Variants in WDR7 observed in about 807,000 individuals in gnomAD.
The protein encoded by WDR7 is WD repeat domain 7, also known as WD repeat-containing protein 7.
In WDR7, 46 loss-of-function variants were observed where a neutral mutation model predicts 169.4. The observed-to-expected ratio is 0.27, with a 90% CI of 0.21 to 0.35. The LOEUF is 0.35. WDR7 is among the 10% of genes least tolerant of loss of function. The pLI, the probability that WDR7 is intolerant of heterozygous loss-of-function variation, is 1.00. For missense variants in WDR7, 1,534 were observed against 1,859.3 expected (o/e 0.83, Z 3.22); for synonymous variants, 612 against 666.8 (o/e 0.92, Z 1.27).
intron 25 of WDR7, among the ~76,000 whole-genome samples, chr18:56,948,962 G>A (rs1599183937): frequency 6.6e-6 from 1 of 152,124 alleles, no homozygotes; most frequent in Admixed American, 6.6e-5. Flanking sequence ...GCCTGGAAGT[G>A]TATTTTGTTC....
At chr18:56,760,162 T>C (rs752311396) in intron 16 of WDR7, among the ~76,000 whole-genome samples, 4 of 152,190 alleles carry the variant, frequency 2.6e-5, no homozygotes, top group African/African-American at 4.8e-5. Context: ...ATAATATACA[T>C]ACAGAAACAT....
At chr18:56,725,662 G>A (rs899200237) in intron 13 of WDR7, among the ~76,000 whole-genome samples, 1 of 152,188 alleles carries the variant, frequency 6.6e-6, no homozygotes, top group African/African-American at 2.4e-5. Context: ...AGTTTAATTA[G>A]ATCGCATTTG....
chr18:56,929,636 G>A (rs1400931673), intron 22 of WDR7, among the ~76,000 whole-genome samples: 1 of 152,072 alleles, frequency 6.6e-6, no homozygotes. Context: ...TGTACCATAC[G>A]GCTATGCCAC....
intron 26 of WDR7, among the ~76,000 whole-genome samples, chr18:57,019,619 G>A (rs1383236685): frequency 6.6e-6 from 1 of 152,116 alleles, no homozygotes; most frequent in Non-Finnish European, 1.5e-5. Context: ...AGCAAGGAAT[G>A]TGCTTGTGTC....
chr18:57,028,383 T>G lies in WDR7; in HGVS notation c.*1176T>G, dbSNP rs963532712. 1.3e-5 allele frequency: 2 copies of G among 152,204 alleles called. No individual in the cohort carries two copies. Among genetic ancestry groups the G allele is most frequent in the Non-Finnish European group, 2.9e-5 (2 of 68,040 alleles). The allele number at this position is 152,204 out of a possible 1,614,324, so 9.4% of individuals were successfully genotyped here. On this transcript the variant is annotated 3_prime_UTR_variant, in exon 28 of 28. Transcript: ENST00000254442. ...CTTTAACTAGACCACTTTCTTCTTA[T>G]GTCAGATTGTGCTGGTTCTAGCTCA... is the stretch of plus-strand genomic sequence containing the variant.
In WDR7 at chr18:56,757,326, T is replaced by C; in HGVS notation, c.2733T>C (p.Gly911=). Residue 911 remains glycine (G), a synonymous_variant, in exon 15 of 28, where the codon GGT becomes GGC. Transcript: ENST00000254442. ...LMSMTNATFI[G]DHMKKGPTRP... is the part of the protein sequence containing the mutation. ...GTATGACCAATGCAACTTTTATTGG[T>C]GATCATATGAAGAAGGGTCCTACCA... is the stretch of plus-strand genomic sequence containing the variant. The C allele has an allele frequency of 6.2e-7, 1 of 1,610,058 alleles. No homozygotes were observed. The highest frequency in any genetic ancestry group is 8.5e-7 in the Non-Finnish European group (1 of 1,176,942).
At chr18:56,729,311 C>T (rs1259202069) in intron 13 of WDR7, among the ~76,000 whole-genome samples, 1 of 152,134 alleles carries the variant, frequency 6.6e-6, no homozygotes, top group East Asian at 1.9e-4. Flanking sequence ...TATTTAAAAA[C>T]ATAATATGAT....
intron 20 of WDR7, among the ~76,000 whole-genome samples, chr18:56,850,788 C>T (rs1202867280): frequency 6.6e-6 from 1 of 152,204 alleles, no homozygotes; most frequent in African/African-American, 2.4e-5. Context: ...GCTGAGATTA[C>T]AGGTGTGAGC....
At chr18:56,866,464 T>C (rs1010728423) in intron 20 of WDR7, among the ~76,000 whole-genome samples, 7 of 152,084 alleles carry the variant, frequency 4.6e-5, no homozygotes, top group Admixed American at 2.6e-4. Flanking sequence ...AGTTTTTTTG[T>C]TGATGTTTTT....
intron 21 of WDR7, among the ~76,000 whole-genome samples, chr18:56,895,109 G>A (rs969220553): frequency 4.6e-5 from 7 of 151,768 alleles, no homozygotes; most frequent in African/African-American, 1.5e-4. Context: ...CATGTTAATG[G>A]TATTATTTAG....
chr18:56,783,831 T>C (rs8089931), intron 19 of WDR7, among the ~76,000 whole-genome samples: 11,249 of 152,298 alleles, frequency 0.074, 507 homozygotes, highest in East Asian at 0.19. Context: ...TTGTAGTGGA[T>C]GCCTTTTTAT....
chr18:56,960,657 C>T (rs1020029682), intron 25 of WDR7, among the ~76,000 whole-genome samples: 3 of 152,108 alleles, frequency 2.0e-5, no homozygotes, highest in African/African-American at 7.2e-5. Flanking sequence ...ACTTAGACCA[C>T]TGTAATTATC....
At chr18:56,988,843 A>T (rs916430912) in intron 26 of WDR7, among the ~76,000 whole-genome samples, 1 of 152,134 alleles carries the variant, frequency 6.6e-6, no homozygotes, top group African/African-American at 2.4e-5. Context: ...TTAATAATAG[A>T]CCAAGGGAGA....
At chr18:56,923,895 G>T in intron 21 of WDR7, 27 bp from the exon 22 acceptor site, 1 of 1,496,248 alleles carries the variant, frequency 6.7e-7, no homozygotes, top group Non-Finnish European at 8.9e-7. Context: ...TTCCCCTTTT[G>T]CTCTGCATTT....
At chr18:56,949,221 A>G (rs889054193) in intron 25 of WDR7, among the ~76,000 whole-genome samples, 1 of 151,826 alleles carries the variant, frequency 6.6e-6, no homozygotes, top group African/African-American at 2.4e-5. Context: ...AGTGGTTCTC[A>G]AACTTTTTGG....
intron 19 of WDR7, among the ~76,000 whole-genome samples, chr18:56,783,594 C>G (rs1285517149): frequency 6.6e-6 from 1 of 151,996 alleles, no homozygotes; most frequent in Non-Finnish European, 1.5e-5. Flanking sequence ...TCCAAATGGA[C>G]TCGTGTGAAG....
At chr18:57,006,761 G>A (rs1266394428) in intron 26 of WDR7, among the ~76,000 whole-genome samples, 1 of 152,108 alleles carries the variant, frequency 6.6e-6, no homozygotes, top group African/African-American at 2.4e-5. Flanking sequence ...TATGAATACA[G>A]AGACTAATTG....
At chr18:56,776,549 G>A (rs1356098921) in intron 16 of WDR7, among the ~76,000 whole-genome samples, 4 of 152,050 alleles carry the variant, frequency 2.6e-5, no homozygotes, top group African/African-American at 9.7e-5. Context: ...CAGAATATTA[G>A]ATTTTGACTC....
intron 20 of WDR7, among the ~76,000 whole-genome samples, chr18:56,827,388 C>T (rs2045225835): frequency 6.6e-6 from 1 of 152,160 alleles, no homozygotes; most frequent in Non-Finnish European, 1.5e-5. Flanking sequence ...TGAGACCAAT[C>T]ATTTACAACA....
Sources: gnomAD v4.1 joint callset for allele counts (sites outside exome capture counted in the v4.1 genomes callset) on GRCh38, gnomAD v4.1.1 for gene constraint, MANE v1.5 for transcripts, NCBI Gene and HGNC (gene_info 2026-07-23, HGNC 2026-07-21) for gene names.